The following TASP1 variants were observed in gnomAD, a reference collection of about 807,000 sequenced individuals.
TASP1 encodes threonine aspartase 1.
In TASP1, 16 loss-of-function variants were observed where a neutral mutation model predicts 56.6. The ratio of observed to expected loss-of-function variants is 0.28; its 90% confidence interval spans 0.19 to 0.43. The LOEUF is 0.43. TASP1 is among the 20% of genes least tolerant of loss of function. TASP1 has a pLI of 1.00. For missense variants in TASP1, 393 were observed against 511.6 expected, an observed-to-expected ratio of 0.77 and a Z score of 2.24; for synonymous variants, 179 against 184.2, an observed-to-expected ratio of 0.97 and a Z score of 0.23.
At chr20:13,180,630 A>C in the TASP1 span, among the ~76,000 whole-genome samples, 1 of 152,186 alleles carries the variant, frequency 6.6e-6, no homozygotes, top group South Asian at 2.1e-4. Context: ...GTTAAAGATG[A>C]GGAAGTAGAC....
chr20:13,367,726 AT>A, the TASP1 span, among the ~76,000 whole-genome samples: 236 of 152,324 alleles, frequency 1.5e-3, 2 homozygotes, highest in Non-Finnish European at 2.1e-3. Flanking sequence ...ACAAGTGACT[AT>A]TTATTAGAGC....
chr20:13,188,146 A>G, the TASP1 span, among the ~76,000 whole-genome samples: 1 of 152,144 alleles, frequency 6.6e-6, no homozygotes, highest in Non-Finnish European at 1.5e-5. Flanking sequence ...TAAGAAGAAG[A>G]TAAGGATGCC....
At chr20:13,364,686 G>A in the TASP1 span, among the ~76,000 whole-genome samples, 1 of 151,828 alleles carries the variant, frequency 6.6e-6, no homozygotes, top group African/African-American at 2.4e-5. Flanking sequence ...TATCAACTTG[G>A]TCAATAGACA....
the TASP1 span, among the ~76,000 whole-genome samples, chr20:13,284,136 T>C: frequency 6.6e-6 from 1 of 152,348 alleles, no homozygotes; most frequent in African/African-American, 2.4e-5. Context: ...GTTAAATCAG[T>C]AGATCGACAG....
the TASP1 span, among the ~76,000 whole-genome samples, chr20:13,354,751 C>A: frequency 2.6e-5 from 4 of 151,968 alleles, no homozygotes; most frequent in African/African-American, 9.7e-5. Flanking sequence ...CACAGCAGCC[C>A]TAAAGACCGC....
the TASP1 span, among the ~76,000 whole-genome samples, chr20:13,223,733 C>A: frequency 7.5e-4 from 114 of 152,296 alleles, no homozygotes; most frequent in African/African-American, 2.6e-3. Flanking sequence ...GTTGAAGATG[C>A]CACCATCCTA....
At chr20:13,413,763 C>T (rs958932126) in intron 13 of TASP1, among the ~76,000 whole-genome samples, 2 of 151,974 alleles carry the variant, frequency 1.3e-5, no homozygotes, top group South Asian at 2.1e-4. Flanking sequence ...ACAATCGTTC[C>T]GGGAAGATCT....
chr20:13,374,280 C>T, the TASP1 span, among the ~76,000 whole-genome samples: 11 of 151,616 alleles, frequency 7.3e-5, no homozygotes, highest in South Asian at 2.1e-4. Context: ...TGTGAGCATC[C>T]GTGTGTGTGT....
chr20:13,460,624 T>C (rs554187627), intron 11 of TASP1, among the ~76,000 whole-genome samples: 29 of 152,270 alleles, frequency 1.9e-4, no homozygotes, highest in South Asian at 4.1e-4. Context: ...GAGGCTTTCC[T>C]AGATCAGTAA....
chr20:13,420,199 C>T (rs1405658986), intron 12 of TASP1, among the ~76,000 whole-genome samples: 1 of 151,988 alleles, frequency 6.6e-6, no homozygotes, highest in Non-Finnish European at 1.5e-5. Flanking sequence ...TTTTAAATAT[C>T]ATTTTAATGA....
chr20:13,282,862 G>A, the TASP1 span, among the ~76,000 whole-genome samples: 4 of 152,108 alleles, frequency 2.6e-5, no homozygotes, highest in Non-Finnish European at 5.9e-5. Context: ...CTAGCCCTCC[G>A]ACCACACTTT....
chr20:13,219,857 A>G, the TASP1 span, among the ~76,000 whole-genome samples: 1 of 152,206 alleles, frequency 6.6e-6, no homozygotes, highest in East Asian at 1.9e-4. Flanking sequence ...AATTTGGTTA[A>G]TACTTGGTTG....
chr20:13,267,658 C>T, the TASP1 span, among the ~76,000 whole-genome samples: 3 of 152,170 alleles, frequency 2.0e-5, no homozygotes, highest in Non-Finnish European at 4.4e-5. Flanking sequence ...TCAAGAGTCA[C>T]ATCAATCAAT....
the TASP1 span, among the ~76,000 whole-genome samples, chr20:13,373,723 A>C: frequency 1.3e-5 from 2 of 152,104 alleles, no homozygotes; most frequent in African/African-American, 4.8e-5. Flanking sequence ...GATATGTTAA[A>C]CAGAAAATAA....
At chr20:13,185,063 T>C in the TASP1 span, among the ~76,000 whole-genome samples, 1 of 152,012 alleles carries the variant, frequency 6.6e-6, no homozygotes, top group African/African-American at 2.4e-5. Context: ...AAATCAGTAC[T>C]ATCAAAAAGA....
At chr20:13,111,377 C>T in the TASP1 span, among the ~76,000 whole-genome samples, 546 of 152,230 alleles carry the variant, frequency 3.6e-3, 7 homozygotes, top group African/African-American at 0.012. Context: ...GCACATTTGG[C>T]GATTTTCAGT....
intron 13 of TASP1, among the ~76,000 whole-genome samples, chr20:13,411,604 C>A (rs956483887): frequency 3.3e-5 from 5 of 152,144 alleles, no homozygotes; most frequent in Admixed American, 1.3e-4. Flanking sequence ...TATAAAAATG[C>A]TACTAATTTT....
At chr20:13,153,918 C>T in the TASP1 span, 6 of 1,554,732 alleles carry the variant, frequency 3.9e-6, no homozygotes, top group Non-Finnish European at 4.4e-6. Context: ...TGCAGAAAGA[C>T]TTAAAGATGC....
intron 10 of TASP1, among the ~76,000 whole-genome samples, chr20:13,519,364 G>C (rs1017050838): frequency 1.3e-5 from 2 of 151,800 alleles, no homozygotes; most frequent in Non-Finnish European, 2.9e-5. Context: ...AAGAAATAAA[G>C]GACAACTCAA....
Sources: gnomAD v4.1 joint callset for allele counts (sites outside exome capture counted in the v4.1 genomes callset) on GRCh38, gnomAD v4.1.1 for gene constraint, MANE v1.5 for transcripts, NCBI Gene and HGNC (gene_info 2026-07-23, HGNC 2026-07-21) for gene names.